The following DARS2 variants were observed in gnomAD, a reference collection of about 807,000 sequenced individuals.
DARS2 encodes aspartate--tRNA ligase, mitochondrial.
Under a neutral mutation model 83.0 loss-of-function variants are expected in DARS2, and 63 were observed. The ratio of observed to expected loss-of-function variants is 0.76; its 90% CI spans 0.62 to 0.94. The LOEUF (loss-of-function observed/expected upper bound fraction) is 0.94. Ranked by LOEUF, DARS2 falls within the 40% of genes least tolerant of loss-of-function variation. DARS2 has a pLI of 0.00. For missense variants in DARS2, 675 were observed against 774.4 expected (o/e 0.87, Z 1.52); for synonymous variants, 250 against 269.3 (o/e 0.93, Z 0.70).
intron 8 of DARS2, among the ~76,000 whole-genome samples, chr1:173,837,832 G>A (rs1032888971): frequency 3.3e-5 from 5 of 151,542 alleles, no homozygotes; most frequent in Non-Finnish European, 7.4e-5. Context: ...GGAGTGCAAT[G>A]GCGCAATCTC....
rs1653748164 is a variant in DARS2, at chr1:173,853,413, T to C, written c.1409T>C (p.Leu470Pro). 1 of 1,614,052 alleles carries C rather than the reference T, an allele frequency of 6.2e-7. No individual in the cohort carries two copies. The change falls in exon 14 of 17, where the codon CTC becomes CCC. Residue 470 changes from leucine to proline, a missense_variant. Transcript: ENST00000649689. ...ADLLETRGVV[L>P]RDPTLFSFLW... ...CTTCTAGAAACAAGAGGAGTGGTGC[T>C]CCGTGACCCCACTCTGTTCTCTTTC...
intron 12 of DARS2, among the ~76,000 whole-genome samples, chr1:173,847,725 T>C: frequency 6.6e-6 from 1 of 152,258 alleles, no homozygotes; most frequent in South Asian, 2.1e-4. Context: ...TACATACTTT[T>C]TTTTTCTTTT....
intron 13 of DARS2, among the ~76,000 whole-genome samples, chr1:173,851,505 G>A (rs940774024): frequency 2.0e-5 from 3 of 152,140 alleles, no homozygotes; most frequent in African/African-American, 7.2e-5. Context: ...AGGGCTGGCA[G>A]ACACCCCTGG....
At chr1:173,830,553 T>C in intron 3 of DARS2, 107 bp from the exon 4 acceptor site, 2 of 901,972 alleles carry the variant, frequency 2.2e-6, no homozygotes, top group South Asian at 2.7e-5. Flanking sequence ...GCCTTTATGG[T>C]AATTAAGCTG....
At chr1:173,837,165 G>A (rs1050525601) in intron 8 of DARS2, 119 bp downstream of exon 8, 1 of 921,536 alleles carries the variant, frequency 1.1e-6, no homozygotes. Flanking sequence ...TGAGAGTTTG[G>A]AGAATACTTA....
intron 2 of DARS2, among the ~76,000 whole-genome samples, chr1:173,827,877 A>T (rs1333926910): frequency 6.6e-6 from 1 of 152,184 alleles, no homozygotes; most frequent in African/African-American, 2.4e-5. Context: ...TTAGAAAAAG[A>T]CTATATTGCT....
rs143246542 is a variant in DARS2 at position 173,828,309 on chromosome 1, CT to C, written c.228-20del. The C allele has an allele frequency of 0.016, 23,941 of 1,476,510 alleles. 111 individuals are homozygous for C. Among genetic ancestry groups the C allele is most frequent in the East Asian group, 0.024 (957 of 40,064 alleles). The allele number at this position is 1,476,510 out of a possible 1,614,324, so 91.5% of individuals were successfully genotyped here. On this transcript the variant is annotated intron_variant, in intron 2 of 16. Transcript: ENST00000649689. ...TTAGAGATTTTATCTTAAAATGTTT[CT>C]TTTCCCCCCCCCCATTAATCAGGCA...
chr1:173,850,601 A>T, intron 13 of DARS2, 122 bp downstream of exon 13: 1 of 1,103,074 alleles, frequency 9.1e-7, no homozygotes, highest in Non-Finnish European at 1.3e-6. Flanking sequence ...TGCTCTGCAT[A>T]AATCTTTTTT....
At chr1:173,838,303 A>C (rs1271412797) in intron 9 of DARS2, 44 bp downstream of exon 9, 4 of 1,452,102 alleles carry the variant, frequency 2.8e-6, no homozygotes, top group Non-Finnish European at 3.9e-6. Context: ...CAGGCTTACT[A>C]TTTTGAAATA....
At chr1:173,844,917 C>T (rs1653373034) in intron 11 of DARS2, among the ~76,000 whole-genome samples, 1 of 149,334 alleles carries the variant, frequency 6.7e-6, no homozygotes, top group Admixed American at 6.8e-5. Context: ...CCTCAACCTC[C>T]CGAGTAGCTG....
At chr1:173,825,449 C>CATTATTATTATTATTATTATTATTATT (rs55949406) in intron 1 of DARS2, 93 bp downstream of exon 1, 105 of 471,840 alleles carry the variant, frequency 2.2e-4, no homozygotes, top group Non-Finnish European at 9.9e-5. Context: ...TTTTTTCCCC[C>CATTATTATTATTATTATTATTATTATT]ATTATTATTA....
At chr1:173,842,401 C>T (rs777821104) in intron 11 of DARS2, among the ~76,000 whole-genome samples, 9 of 141,102 alleles carry the variant, frequency 6.4e-5, no homozygotes, top group Non-Finnish European at 6.0e-5. Flanking sequence ...CAGGTTCGAG[C>T]GATTTTCCTG....
chr1:173,832,641 C>T (rs1652833611), intron 5 of DARS2, among the ~76,000 whole-genome samples: 1 of 151,872 alleles, frequency 6.6e-6, no homozygotes, highest in Non-Finnish European at 1.5e-5. Flanking sequence ...TGGTGGCAGG[C>T]ACTTGTAGTC....
At chr1:173,846,045 C>G (rs563311929) in intron 12 of DARS2, among the ~76,000 whole-genome samples, 1 of 152,120 alleles carries the variant, frequency 6.6e-6, no homozygotes, top group South Asian at 2.1e-4. Context: ...GTAGTCCCAG[C>G]TACTCTGGAG....
At chr1:173,842,518 G>T (rs1653269437) in intron 11 of DARS2, among the ~76,000 whole-genome samples, 1 of 149,524 alleles carries the variant, frequency 6.7e-6, no homozygotes, top group Non-Finnish European at 1.5e-5. Context: ...AGCCAGGATG[G>T]TCTCAAACTC....
Position 173,857,529 on chromosome 1 carries a change from C to T in DARS2, c.1762C>T (p.Leu588=). The change falls in exon 17 of 17, where the codon CTG becomes TTG. Residue 588 remains leucine (L), a synonymous_variant. Coordinates refer to ENST00000649689, the MANE Select transcript of DARS2 (RefSeq NM_018122.5). ...HGGIALGLDR[L]ICLVTGSPSI... ...TATTTTACTCACAGGGTTAGACAGACTGATATGCCTTGTCACTGGATCTCC... is the reference window on the plus strand; with the variant it reads ...TATTTTACTCACAGGGTTAGACAGATTGATATGCCTTGTCACTGGATCTCC... 1 of 1,614,066 alleles carries T rather than the reference C, an allele frequency of 6.2e-7. No homozygotes were observed. Among genetic ancestry groups the T allele is most frequent in the Non-Finnish European group, 8.5e-7 (1 of 1,179,914 alleles).
intron 11 of DARS2, among the ~76,000 whole-genome samples, chr1:173,843,357 A>C (rs1028640142): frequency 6.6e-6 from 1 of 152,000 alleles, no homozygotes; most frequent in Non-Finnish European, 1.5e-5. Context: ...TCAGGAGTTC[A>C]AGACCAGCCT....
At chr1:173,834,352 T>C in intron 6 of DARS2, 121 bp from the exon 7 acceptor site, 1 of 767,550 alleles carries the variant, frequency 1.3e-6, no homozygotes, top group Non-Finnish European at 2.3e-6. Flanking sequence ...CTTGGTAGCT[T>C]ATTTCAGCTA....
intron 7 of DARS2, among the ~76,000 whole-genome samples, chr1:173,835,007 C>G (rs1348723344): frequency 6.6e-6 from 1 of 151,658 alleles, no homozygotes; most frequent in Non-Finnish European, 1.5e-5. Context: ...GTCTCGAACA[C>G]CTGACCTGAA....
Sources: gnomAD v4.1 joint callset for allele counts (sites outside exome capture counted in the v4.1 genomes callset) on GRCh38, gnomAD v4.1.1 for gene constraint, MANE v1.5 for transcripts, NCBI Gene and HGNC (gene_info 2026-07-23, HGNC 2026-07-21) for gene names.